The following APPL1 variants were observed in gnomAD, a reference collection of about 807,000 sequenced individuals.
APPL1 encodes DCC-interacting protein 13-alpha.
Under a neutral mutation model 106.8 loss-of-function variants are expected in APPL1, and 42 were observed. The ratio of observed to expected loss-of-function variants is 0.39; its 90% CI spans 0.31 to 0.51. The LOEUF is 0.51. Ranked by LOEUF, APPL1 falls within the 20% of genes least tolerant of loss-of-function variation. The pLI, the probability that APPL1 is intolerant of heterozygous loss-of-function variation, is 0.75. For missense variants in APPL1, 769 were observed against 858.2 expected (o/e 0.90, Z 1.30); for synonymous variants, 263 against 281.8 (o/e 0.93, Z 0.67).
chr3:57,251,695 GTTAC>G (rs1393602430), intron 11 of APPL1, among the ~76,000 whole-genome samples: 1 of 151,584 alleles, frequency 6.6e-6, no homozygotes, highest in Non-Finnish European at 1.5e-5. Context: ...TTGTTAACAT[GTTAC>G]TTACTATTAA....
intron 19 of APPL1, among the ~76,000 whole-genome samples, chr3:57,261,547 T>G (rs1165950818): frequency 6.6e-6 from 1 of 152,054 alleles, no homozygotes; most frequent in Non-Finnish European, 1.5e-5. Context: ...GAGACGGAGT[T>G]TCACTCTGTC....
chr3:57,271,408 C>T lies in APPL1; in HGVS notation c.*1721C>T, dbSNP rs575450532. On this transcript the variant is annotated 3_prime_UTR_variant, in exon 22 of 22. Transcript: ENST00000288266. The stretch of plus-strand genomic sequence containing the variant: ...TGATAAAAAGTTTATTTTGTGCTTA[C>T]CAAAAGGAATGCTTTCACAATAGTG... 1.3e-5 allele frequency: 2 copies of T among 152,646 alleles called. No homozygotes were observed. Among genetic ancestry groups the T allele is most frequent in the South Asian group, 2.1e-4 (1 of 4,824 alleles). 9.5% of individuals were successfully genotyped at this position (152,646 alleles called of 1,614,324 possible). A position where few individuals can be genotyped will look rare whatever the true frequency, so the allele number is the denominator to read the frequency against.
chr3:57,243,935 A>C (rs1018337046), intron 7 of APPL1, among the ~76,000 whole-genome samples: 2 of 152,172 alleles, frequency 1.3e-5, no homozygotes, highest in African/African-American at 4.8e-5. Context: ...AACAACATGA[A>C]TAGGCTTCAC....
rs371202748 is a variant in APPL1 at position 57,249,511 on chromosome 3, C to T, written c.1015C>T (p.Arg339Ter). 5.6e-6 allele frequency: 9 copies of T among 1,599,990 alleles called. No individual in the cohort carries two copies. The highest frequency in any genetic ancestry group is 2.3e-5 in the South Asian group (2 of 88,250). The change falls in exon 11 of 22, where the codon CGA becomes TGA. Residue 339 changes from arginine (R) to a stop codon, truncating the protein, a stop_gained. Coordinates refer to ENST00000288266, the MANE Select transcript of APPL1 (RefSeq NM_012096.3). LOFTEE classifies it high-confidence loss of function. ...GATGGCTGTGGACTGTGAAGACAGACGATATTGTTTTCAGATCACCTCTTT... is the reference window on the plus strand; with the variant it reads ...GATGGCTGTGGACTGTGAAGACAGATGATATTGTTTTCAGATCACCTCTTT... ...SVMAVDCEDRRYCFQITSFDG... is the reference protein window; with the variant it reads ...SVMAVDCEDR
intron 19 of APPL1, among the ~76,000 whole-genome samples, chr3:57,263,958 A>G: frequency 6.6e-6 from 1 of 151,716 alleles, no homozygotes; most frequent in East Asian, 1.9e-4. Context: ...TTTTTGAGGA[A>G]CCTCCAGACT....
chr3:57,268,436 A>C lies in APPL1; in HGVS notation c.1932A>C (p.Arg644Ser). Reference protein sequence around the residue: ...RASEKQKEIERVKEKQQKELN... With the variant: ...RASEKQKEIESVKEKQQKELN... ...CAGAAAAACAAAAAGAAATAGAGAG[A>C]GTAAAAGAGAAGCAACAGAAAGAAC... is the stretch of plus-strand genomic sequence containing the variant. Residue 644 changes from arginine to serine, a missense_variant, in exon 21 of 22, where the codon AGA becomes AGC. Arg to Ser is a moderately radical substitution (Grantham distance 110). Transcript: ENST00000288266. The C allele has an allele frequency of 3.1e-6, 5 of 1,603,160 alleles. No individual in the cohort carries two copies. The highest frequency in any genetic ancestry group is 4.3e-6 in the Non-Finnish European group (5 of 1,173,812).
rs2060663409 is a variant in APPL1 at position 57,228,158 on chromosome 3, G to C, written c.54+221G>C. 6.6e-6 allele frequency among the ~76,000 whole-genome samples: 1 copy of C among 152,036 alleles called. No homozygotes were observed. Among genetic ancestry groups the C allele is most frequent in the African/African-American group, 2.4e-5 (1 of 41,430 alleles). ...GGCTGGGCCGAGGGCCGCAGGCGGA[G>C]ACCGAGCCGCTGGTGCTCGTGGGCC... On this transcript the variant is annotated intron_variant, in intron 1 of 21. Transcript: ENST00000288266. This position sits in a 1 kb window ranked among gnomAD's most constrained non-coding sequence, Gnocchi z 4.6.
chr3:57,236,112 T>G (rs1213093012), intron 2 of APPL1, among the ~76,000 whole-genome samples: 1 of 151,358 alleles, frequency 6.6e-6, no homozygotes, highest in Non-Finnish European at 1.5e-5. Context: ...TAGTGTGATC[T>G]TGGGTCACCA....
In APPL1 at chr3:57,250,025, A is replaced by G. The variant is rs527429509; in HGVS notation, c.1052+477A>G. On this transcript the variant is annotated intron_variant, in intron 11 of 21. Transcript: ENST00000288266. The stretch of plus-strand genomic sequence containing the variant: ...TGTTGTGAGGAACAGAAATTCTAAC[A>G]TATGTAATGTGACTGACATATAGTA... Among the ~76,000 whole-genome samples the G allele has an allele frequency of 3.3e-4, 50 of 152,362 alleles. 1 individual carries two copies. The South Asian group carries it at 0.01, about 32-fold the overall frequency.
intron 19 of APPL1, among the ~76,000 whole-genome samples, chr3:57,264,900 A>G (rs1307038948): frequency 2.8e-5 from 4 of 142,874 alleles, no homozygotes; most frequent in African/African-American, 7.8e-5. Context: ...TAATTTTGTT[A>G]TTTTTGCTCA....
intron 1 of APPL1, among the ~76,000 whole-genome samples, chr3:57,232,465 T>C (rs1288008275): frequency 4.6e-5 from 7 of 152,208 alleles, no homozygotes; most frequent in Admixed American, 4.6e-4. Context: ...AGTGTTCAAC[T>C]AACAGATCAA....
chr3:57,248,995 C>G (rs543563330), intron 10 of APPL1, among the ~76,000 whole-genome samples: 2 of 152,124 alleles, frequency 1.3e-5, no homozygotes, highest in East Asian at 1.9e-4. Flanking sequence ...AGCACCAAGT[C>G]AAATGTTAGT....
rs1430915356 is a variant in APPL1 at position 57,260,148 on chromosome 3, C to T, written c.1690C>T (p.Leu564Phe). The change falls in exon 18 of 22, where the codon CTC (leucine) becomes TTC (phenylalanine). Residue 564 changes from leucine (L) to phenylalanine (F), a missense_variant. Coordinates refer to ENST00000288266, the MANE Select transcript of APPL1 (RefSeq NM_012096.3). ...LIDPQTQVTR[L>F]TFPLPCVVLY... ...TGATCCACAGACACAAGTTACAAGG[C>T]TCACGGTGAGTTCCACATGATTTAA... The T allele has an allele frequency of 1.2e-6, 2 of 1,603,960 alleles. No individual in the cohort carries two copies. The highest frequency in any genetic ancestry group is 1.8e-5 in the Admixed American group (1 of 56,338).
intron 11 of APPL1, among the ~76,000 whole-genome samples, chr3:57,250,831 G>A (rs1174020819): frequency 8.4e-6 from 1 of 119,366 alleles, no homozygotes; most frequent in African/African-American, 3.0e-5. Flanking sequence ...TTTTTGAGAC[G>A]GAGTCTCGCT....
intron 13 of APPL1, among the ~76,000 whole-genome samples, chr3:57,255,551 G>A (rs1286082529): frequency 2.0e-5 from 3 of 152,074 alleles, no homozygotes; most frequent in African/African-American, 4.8e-5. Context: ...ATGCCTAGGA[G>A]GAAGTTTTGA....
chr3:57,264,029 T>C (rs1202511959), intron 19 of APPL1, among the ~76,000 whole-genome samples: 7 of 152,220 alleles, frequency 4.6e-5, no homozygotes, highest in Non-Finnish European at 1.0e-4. Context: ...GGTTCCCTTT[T>C]CTCCACATGC....
At chr3:57,229,192 C>T (rs2060671468) in intron 1 of APPL1, among the ~76,000 whole-genome samples, 2 of 152,194 alleles carry the variant, frequency 1.3e-5, no homozygotes, top group Non-Finnish European at 2.9e-5. Context: ...ATGATTTCTC[C>T]ATATAAAGTT....
At chr3:57,235,459 T>C in intron 1 of APPL1, 107 bp from the exon 2 acceptor site, 1 of 604,866 alleles carries the variant, frequency 1.7e-6, no homozygotes, top group Non-Finnish European at 2.8e-6. Flanking sequence ...AAACTCAGAA[T>C]TACTAGAACT....
At chr3:57,231,281 G>C (rs904833518) in intron 1 of APPL1, among the ~76,000 whole-genome samples, 8 of 143,316 alleles carry the variant, frequency 5.6e-5, no homozygotes, top group African/African-American at 2.0e-4. Context: ...GGGGGTTGCA[G>C]TGAGCCGAAA....
Sources: allele counts gnomAD v4.1 joint callset (sites outside exome capture counted in the v4.1 genomes callset), GRCh38; gene constraint gnomAD v4.1.1; non-coding constraint Gnocchi (gnomAD v3.1); transcripts MANE v1.5; gene names NCBI Gene and HGNC (gene_info 2026-07-23, HGNC 2026-07-21).